The following RGL1 variants were observed in gnomAD, a reference collection of about 807,000 sequenced individuals.
RGL1 encodes ral guanine nucleotide dissociation stimulator-like 1.
RGL1 carries 24 observed loss-of-function variants against 95.2 expected under a neutral mutation model. The observed-to-expected ratio is 0.25, with a 90% CI of 0.18 to 0.35. The LOEUF is 0.35. Among genes scored for constraint, RGL1 ranks in the 10% least tolerant of loss-of-function variants. The probability of loss-of-function intolerance (pLI) is 1.00; values close to 1 mark genes in which losing one functional copy is unlikely to be tolerated. For missense variants in RGL1, 715 were observed against 936.3 expected (o/e 0.76, Z 3.08); for synonymous variants, 329 against 344.9 (o/e 0.95, Z 0.51).
At position 183,926,759 on chromosome 1, in the gene RGL1, C is replaced by G. The variant is rs145655953; in HGVS notation, c.*467C>G. The G allele has an allele frequency of 2.0e-5, 3 of 152,686 alleles. No individual in the cohort carries two copies. The East Asian group carries it at 5.8e-4, about 29-fold the overall frequency. The allele number at this position is 152,686 out of a possible 1,614,324, so 9.5% of individuals were successfully genotyped here. On this transcript the variant is annotated 3_prime_UTR_variant, in exon 18 of 18. Coordinates refer to ENST00000360851, the MANE Select transcript of RGL1 (RefSeq NM_001297671.3). ...AATCAGTCCTGGGAATAGAGAGTGTCCTTTGTGCCAGTATTACAAGAAGCC... is the reference window on the plus strand; with the variant it reads ...AATCAGTCCTGGGAATAGAGAGTGTGCTTTGTGCCAGTATTACAAGAAGCC...
chr1:183,805,235 A>G lies in RGL1; in HGVS notation c.-63A>G. ...CGCCGCGGGGCTGAGCCCAGCAGAC[A>G]TTGCGTTGGCCTCCGAGCAGGGCGC... On this transcript the variant is annotated 5_prime_UTR_variant, in exon 1 of 18. Coordinates refer to ENST00000360851, the MANE Select transcript of RGL1 (RefSeq NM_001297671.3). 1.9e-6 allele frequency: 3 copies of G among 1,598,658 alleles called. No individual in the cohort carries two copies. The highest frequency in any genetic ancestry group is 2.6e-6 in the Non-Finnish European group (3 of 1,173,184).
chr1:183,882,848 G>C (rs998453387), intron 5 of RGL1, among the ~76,000 whole-genome samples: 1 of 152,136 alleles, frequency 6.6e-6, no homozygotes, highest in South Asian at 2.1e-4. Flanking sequence ...GAAAGAAAAG[G>C]CTCAAAATAT....
intron 2 of RGL1, among the ~76,000 whole-genome samples, chr1:183,796,655 T>C (rs1015143853): frequency 6.6e-6 from 1 of 152,138 alleles, no homozygotes; most frequent in Non-Finnish European, 1.5e-5. Context: ...GAAGTTCTAG[T>C]TTATCTTGGT....
chr1:183,694,668 A>G (rs761200450), intron 1 of RGL1, among the ~76,000 whole-genome samples: 8 of 152,200 alleles, frequency 5.3e-5, no homozygotes, highest in Non-Finnish European at 1.2e-4. Flanking sequence ...TCTGATTTAT[A>G]TGTTCTATGG....
chr1:183,853,487 T>C (rs1335728071), intron 3 of RGL1, among the ~76,000 whole-genome samples: 1 of 152,204 alleles, frequency 6.6e-6, no homozygotes, highest in African/African-American at 2.4e-5. Flanking sequence ...ATTCTCCCAG[T>C]GGAGGACATT....
rs549504176 is a variant in RGL1, at chr1:183,843,394, A to T, written c.139-4172A>T. Among the ~76,000 whole-genome samples the T allele has an allele frequency of 1.2e-3, 184 of 152,324 alleles. 2 individuals are homozygous for T. The highest frequency in any genetic ancestry group is 1.3e-3 in the Non-Finnish European group (89 of 68,036). ...ACAGGAATCATGTATGCATATTGAA[A>T]TTTTTTCCGAGTAAGAAAGTACTGA... is the stretch of plus-strand genomic sequence containing the variant. On this transcript the variant is annotated intron_variant, in intron 2 of 17. Coordinates refer to ENST00000360851, the MANE Select transcript of RGL1 (RefSeq NM_001297671.3).
At chr1:183,829,964 T>C (rs1663148759) in intron 2 of RGL1, among the ~76,000 whole-genome samples, 1 of 152,200 alleles carries the variant, frequency 6.6e-6, no homozygotes, top group Admixed American at 6.6e-5. Context: ...AGTTGTTAAA[T>C]TATCTTCTCT....
At chr1:183,708,061 G>A (rs1374237725) in intron 1 of RGL1, among the ~76,000 whole-genome samples, 5 of 152,272 alleles carry the variant, frequency 3.3e-5, no homozygotes, top group East Asian at 1.9e-4. Flanking sequence ...TTATAAAGTC[G>A]AATGTTCCAT....
intron 2 of RGL1, among the ~76,000 whole-genome samples, chr1:183,771,933 A>T (rs888361085): frequency 6.6e-6 from 1 of 152,196 alleles, no homozygotes; most frequent in East Asian, 1.9e-4. Flanking sequence ...GAGGACACGG[A>T]GGGGAACACG....
At chr1:183,880,230 G>A (rs1666746338) in intron 4 of RGL1, among the ~76,000 whole-genome samples, 1 of 152,166 alleles carries the variant, frequency 6.6e-6, no homozygotes, top group African/African-American at 2.4e-5. Flanking sequence ...CATATTAGGT[G>A]GCAGATTTTG....
intron 2 of RGL1, among the ~76,000 whole-genome samples, chr1:183,794,320 A>G (rs370853000): frequency 1.3e-5 from 2 of 152,206 alleles, no homozygotes; most frequent in African/African-American, 4.8e-5. Context: ...AGGTTGCTTA[A>G]TAGGTGCAAA....
chr1:183,740,356 A>C (rs959561935), intron 1 of RGL1, among the ~76,000 whole-genome samples: 10 of 152,160 alleles, frequency 6.6e-5, no homozygotes, highest in African/African-American at 2.2e-4. Flanking sequence ...TTTGGTTATC[A>C]GTTTCTTCAT....
At chr1:183,904,168 AT>A (rs1208086662) in intron 12 of RGL1, among the ~76,000 whole-genome samples, 6 of 152,104 alleles carry the variant, frequency 3.9e-5, no homozygotes, top group Non-Finnish European at 7.4e-5. Flanking sequence ...GCTGACTTAA[AT>A]TTTTTTTATT....
rs746049276 is a variant in RGL1 at position 183,648,769 on chromosome 1, A to G, written c.-33+12268A>G. 8 of 1,596,906 alleles carry G rather than the reference A, an allele frequency of 5.0e-6. No homozygotes were observed. The Admixed American group carries it at 5.3e-5, about 11-fold the overall frequency. ...CCATGATTTGCTAGGTACTCCTCATATATGGGCTCCATTGCTAGATTTACT... is the reference window on the plus strand; with the variant it reads ...CCATGATTTGCTAGGTACTCCTCATGTATGGGCTCCATTGCTAGATTTACT... On this transcript the variant is annotated intron_variant, in intron 1 of 18. Coordinates refer to the RGL1 transcript ENST00000304685.
At chr1:183,734,161 T>C (rs909788956) in intron 1 of RGL1, among the ~76,000 whole-genome samples, 4 of 151,066 alleles carry the variant, frequency 2.6e-5, no homozygotes, top group African/African-American at 7.3e-5. Flanking sequence ...ACTCAACAGA[T>C]TTTTTCCCCT....
In RGL1 at chr1:183,916,584, G is replaced by T. The variant is rs140510065; in HGVS notation, c.1887G>T (p.Ser629=). The T allele has an allele frequency of 1.1e-5, 17 of 1,613,536 alleles. No homozygotes were observed. The African/African-American group carries it at 2.3e-4, about 22-fold the overall frequency. The part of the protein sequence containing the change: ...NNPKIHKRSV[S]VTSITSTVLP... ...CCAAAATCCACAAGCGCTCTGTCTCGGTGACGTCCATTACCTCGACTGTGC... is the reference window on the plus strand; with the variant it reads ...CCAAAATCCACAAGCGCTCTGTCTCTGTGACGTCCATTACCTCGACTGTGC... The change falls in exon 16 of 18, where the codon TCG becomes TCT. Residue 629 remains serine, a synonymous_variant. Coordinates refer to ENST00000360851, the MANE Select transcript of RGL1 (RefSeq NM_001297671.3).
chr1:183,825,032 A>G (rs1572462949), intron 2 of RGL1, among the ~76,000 whole-genome samples: 1 of 152,218 alleles, frequency 6.6e-6, no homozygotes, highest in Non-Finnish European at 1.5e-5. Flanking sequence ...GAAAGCATTG[A>G]TAGCTATTGG....
chr1:183,658,265 C>T (rs1188072972), intron 1 of RGL1, among the ~76,000 whole-genome samples: 1 of 152,222 alleles, frequency 6.6e-6, no homozygotes, highest in Non-Finnish European at 1.5e-5. Context: ...CATTGCCTCA[C>T]TCGGGAAGCG....
chr1:183,766,718 C>T (rs1291376577), intron 2 of RGL1, among the ~76,000 whole-genome samples: 1 of 151,798 alleles, frequency 6.6e-6, no homozygotes, highest in Non-Finnish European at 1.5e-5. Flanking sequence ...AAAGCATAAC[C>T]AATGCTAATG....
Sources: gnomAD v4.1 joint callset for allele counts (sites outside exome capture counted in the v4.1 genomes callset) on GRCh38, gnomAD v4.1.1 for gene constraint, MANE v1.5 for transcripts, NCBI Gene and HGNC (gene_info 2026-07-23, HGNC 2026-07-21) for gene names.